NR1H4: variants seen among roughly 807,000 people sequenced by gnomAD.
The protein encoded by NR1H4 is bile acid receptor.
NR1H4 carries 23 observed loss-of-function variants against 58.5 expected under a neutral mutation model. The ratio of observed to expected loss-of-function variants is 0.39; its 90% confidence interval spans 0.28 to 0.56. The LOEUF (loss-of-function observed/expected upper bound fraction) is 0.56, where lower values mean the gene tolerates loss of function less well. Ranked by LOEUF, NR1H4 falls within the 20% of genes least tolerant of loss-of-function variation. The pLI, the probability that NR1H4 is intolerant of heterozygous loss-of-function variation, is 0.58. For synonymous variants in NR1H4, 214 were observed against 198.0 expected (o/e 1.08, Z -0.68); for missense variants, 487 against 576.9 (o/e 0.84, Z 1.60).
intron 1 of NR1H4, among the ~76,000 whole-genome samples, chr12:100,492,091 A>G (rs761837975): frequency 6.6e-6 from 1 of 152,194 alleles, no homozygotes; most frequent in Non-Finnish European, 1.5e-5. Flanking sequence ...TTTTATCTTC[A>G]AATATCTAGC....
chr12:100,561,481 C>T (rs1317880899), intron 9 of NR1H4, among the ~76,000 whole-genome samples: 1 of 152,204 alleles, frequency 6.6e-6, no homozygotes, highest in East Asian at 1.9e-4. Flanking sequence ...TGAATAACAA[C>T]CACTTTTTGT....
At chr12:100,559,231 GC>G (rs1955404600) in intron 9 of NR1H4, among the ~76,000 whole-genome samples, 1 of 152,218 alleles carries the variant, frequency 6.6e-6, no homozygotes, top group Non-Finnish European at 1.5e-5. Flanking sequence ...AGTCCTCAGA[GC>G]CCTCGCTTGC....
At chr12:100,557,610 G>A (rs1015422935) in intron 9 of NR1H4, among the ~76,000 whole-genome samples, 6 of 152,112 alleles carry the variant, frequency 3.9e-5, no homozygotes, top group Non-Finnish European at 7.3e-5. Context: ...CCACCCTCCT[G>A]CCTTTTGGAG....
chr12:100,511,442 T>C (rs1165707677), intron 4 of NR1H4, among the ~76,000 whole-genome samples: 1 of 152,176 alleles, frequency 6.6e-6, no homozygotes, highest in Non-Finnish European at 1.5e-5. Context: ...GAATTTTTTG[T>C]AGGTTTTGTT....
chr12:100,563,813 T>C lies in NR1H4; in HGVS notation c.*324T>C, dbSNP rs1168815704. 4 of 255,334 alleles carry C rather than the reference T, an allele frequency of 1.6e-5. No homozygotes were observed. The highest frequency in any genetic ancestry group is 8.9e-5 in the African/African-American group (4 of 45,170). The allele number at this position is 255,334 out of a possible 1,614,324, so 15.8% of individuals were successfully genotyped here. ...CTCATCTTACCATATTGCATATATT[T>C]TATTAAAGAGTTGTATTCAATCTTG... On this transcript the variant is annotated 3_prime_UTR_variant, in exon 11 of 11. Transcript: ENST00000392986.
intron 1 of NR1H4, among the ~76,000 whole-genome samples, chr12:100,481,915 A>AAAAAAT (rs1953390700): frequency 6.6e-6 from 1 of 151,928 alleles, no homozygotes; most frequent in Admixed American, 6.6e-5. Context: ...CTCCATCTCA[A>AAAAAAT]AAAAATAAAA....
At chr12:100,559,045 TTAGA>T (rs1199330967) in intron 9 of NR1H4, among the ~76,000 whole-genome samples, 1 of 152,166 alleles carries the variant, frequency 6.6e-6, no homozygotes, top group East Asian at 1.9e-4. Flanking sequence ...TTGTGAATAG[TTAGA>T]TAGGCAGGGG....
At chr12:100,488,481 TA>T (rs1012299993) in intron 1 of NR1H4, among the ~76,000 whole-genome samples, 26 of 152,258 alleles carry the variant, frequency 1.7e-4, no homozygotes, top group Non-Finnish European at 3.7e-4. Context: ...CCTGAAATTT[TA>T]AAAAAATGTT....
rs1209603063 is a variant in NR1H4 at position 100,506,042 on chromosome 12, CAG to C, written c.80-4722_80-4721del. Among the ~76,000 whole-genome samples, 392 of 117,480 alleles carry C rather than the reference CAG, an allele frequency of 3.3e-3. 2 individuals carry two copies. The highest frequency in any genetic ancestry group is 8.6e-3 in the Middle Eastern group (2 of 232). The allele number at this position is 117,480 out of a possible 152,430, so 77.1% of individuals were successfully genotyped here. A position where few individuals can be genotyped will look rare whatever the true frequency, so the allele number is the denominator to read the frequency against. ...ACACACACACACACACACACACACA[CAG>C]AGAGAGAGAGAGAACATGAGCATAT... On this transcript the variant is annotated intron_variant, in intron 3 of 10. Coordinates refer to ENST00000392986, the MANE Select transcript of NR1H4 (RefSeq NM_001206979.2).
intron 9 of NR1H4, among the ~76,000 whole-genome samples, chr12:100,560,270 G>A (rs922763410): frequency 9.9e-5 from 15 of 152,186 alleles, no homozygotes; most frequent in African/African-American, 3.6e-4. Flanking sequence ...AATAAAAGCA[G>A]GCTGCCCGAG....
At chr12:100,533,840 C>T (rs574702333) in intron 5 of NR1H4, among the ~76,000 whole-genome samples, 37 of 151,178 alleles carry the variant, frequency 2.4e-4, no homozygotes, top group Admixed American at 2.3e-3. Context: ...AGAGTAAGGA[C>T]GTTAAATGGG....
chr12:100,487,142 C>T (rs1953508848), intron 1 of NR1H4, among the ~76,000 whole-genome samples: 1 of 151,948 alleles, frequency 6.6e-6, no homozygotes, highest in African/African-American at 2.4e-5. Flanking sequence ...GATTTGTCAC[C>T]TAGTAAATTA....
intron 9 of NR1H4, among the ~76,000 whole-genome samples, chr12:100,543,551 T>C (rs1032316627): frequency 6.6e-6 from 1 of 150,818 alleles, no homozygotes; most frequent in African/African-American, 2.5e-5. Flanking sequence ...ATTTTGGTTC[T>C]GGACAGATTG....
At chr12:100,482,855 C>A (rs1289421908) in intron 1 of NR1H4, among the ~76,000 whole-genome samples, 1 of 152,104 alleles carries the variant, frequency 6.6e-6, no homozygotes, top group East Asian at 1.9e-4. Context: ...GTTGTTTAGG[C>A]ACCATTGTGT....
chr12:100,552,847 G>A (rs1955233831), intron 9 of NR1H4, among the ~76,000 whole-genome samples: 1 of 152,054 alleles, frequency 6.6e-6, no homozygotes, highest in Non-Finnish European at 1.5e-5. Context: ...TGAGCCCCCA[G>A]GAGGCCAAGG....
At chr12:100,557,842 T>C (rs1253776015) in intron 9 of NR1H4, among the ~76,000 whole-genome samples, 2 of 152,222 alleles carry the variant, frequency 1.3e-5, no homozygotes, top group Non-Finnish European at 2.9e-5. Flanking sequence ...TCTTTAACTC[T>C]GGATCTGGTT....
intron 4 of NR1H4, among the ~76,000 whole-genome samples, chr12:100,521,692 A>G (rs898213480): frequency 1.8e-4 from 28 of 152,202 alleles, no homozygotes; most frequent in Non-Finnish European, 7.3e-5. Flanking sequence ...AAAAGCTTCC[A>G]AAAGTATTGA....
At chr12:100,553,191 G>C (rs1955244659) in intron 9 of NR1H4, among the ~76,000 whole-genome samples, 1 of 152,066 alleles carries the variant, frequency 6.6e-6, no homozygotes, top group Admixed American at 6.6e-5. Context: ...GTAGAGATGG[G>C]GTTTCACCGT....
At chr12:100,531,616 T>TA (rs1954695011) in intron 4 of NR1H4, among the ~76,000 whole-genome samples, 2 of 152,344 alleles carry the variant, frequency 1.3e-5, no homozygotes, top group Admixed American at 6.5e-5. Context: ...TTTCTTCTCT[T>TA]ACCTCTCACA....
Sources: gnomAD v4.1 joint callset for allele counts (sites outside exome capture counted in the v4.1 genomes callset) on GRCh38, gnomAD v4.1.1 for gene constraint, MANE v1.5 for transcripts, NCBI Gene and HGNC (gene_info 2026-07-23, HGNC 2026-07-21) for gene names.